GNG4: variants seen among roughly 807,000 people sequenced by gnomAD.
The protein encoded by GNG4 is G protein subunit gamma 4.
GNG4 carries 4 observed loss-of-function variants against 5.8 expected under a neutral mutation model. The observed-to-expected ratio is 0.69, with a 90% CI of 0.34 to 1.57. The LOEUF (loss-of-function observed/expected upper bound fraction) is 1.57, where lower values mean the gene tolerates loss of function less well. Ranked by LOEUF, GNG4 falls within the 40% of genes most tolerant of loss-of-function variation. GNG4 has a pLI of 0.06. For synonymous variants in GNG4, 29 were observed against 32.9 expected (o/e 0.88, Z 0.41); for missense variants, 96 against 95.1 (o/e 1.01, Z -0.04).
chr1:235,587,408 TGAGGGGTGG>T (rs1687808351), intron 2 of GNG4, among the ~76,000 whole-genome samples: 1 of 35,860 alleles, frequency 2.8e-5, no homozygotes, highest in Non-Finnish European at 5.0e-5. Context: ...TGTATGAGGG[TGAGGGGTGG>T]GGGTGTGTGT....
chr1:235,592,922 A>G (rs1366967717), intron 2 of GNG4, among the ~76,000 whole-genome samples: 1 of 150,488 alleles, frequency 6.6e-6, no homozygotes, highest in Non-Finnish European at 1.5e-5. Flanking sequence ...ACGCTGGGCA[A>G]GCAGACCCCG....
intron 1 of GNG4, among the ~76,000 whole-genome samples, chr1:235,640,786 G>T (rs548334338): frequency 7.9e-5 from 12 of 152,344 alleles, no homozygotes; most frequent in African/African-American, 2.9e-4. Context: ...CAAATTGCCC[G>T]GTGGGCCAGA....
In GNG4 at chr1:235,587,612, G is replaced by GTGTGTCA. The variant is rs1558486373; in HGVS notation, c.-10-3765_-10-3764insTGACACA. 9.0e-4 allele frequency among the ~76,000 whole-genome samples: 51 copies of GTGTGTCA among 56,436 alleles called. 2 individuals are homozygous for GTGTGTCA. Among genetic ancestry groups the GTGTGTCA allele is most frequent in the Non-Finnish European group, 1.9e-3 (36 of 19,140 alleles). 37.0% of individuals were successfully genotyped at this position (56,436 alleles called of 152,430 possible). On this transcript the variant is annotated intron_variant, in intron 2 of 3. Transcript: ENST00000391854. ...GTGTGAGTGTGGGAGGGCATGGGGT[G>GTGTGTCA]GGGTGTGTGAATGTGGGGTGGAGTG...
intron 2 of GNG4, among the ~76,000 whole-genome samples, chr1:235,590,471 A>C (rs1687932756): frequency 6.6e-6 from 1 of 152,054 alleles, no homozygotes; most frequent in South Asian, 2.1e-4. Flanking sequence ...AAGAAGGTGG[A>C]GAGGTAACCA....
chr1:235,552,503 G>A (rs181360313), intron 3 of GNG4, among the ~76,000 whole-genome samples: 1 of 152,336 alleles, frequency 6.6e-6, no homozygotes, highest in East Asian at 1.9e-4. Flanking sequence ...GGCCCAGACA[G>A]CCTTGATATA....
intron 2 of GNG4, among the ~76,000 whole-genome samples, chr1:235,587,083 G>A (rs961952716): frequency 1.3e-5 from 2 of 151,992 alleles, no homozygotes; most frequent in African/African-American, 2.4e-5. Context: ...GCAGGGCAAA[G>A]GGAGGAGGGG....
intron 1 of GNG4, among the ~76,000 whole-genome samples, chr1:235,598,501 C>T (rs1433142931): frequency 6.6e-6 from 1 of 152,086 alleles, no homozygotes; most frequent in Non-Finnish European, 1.5e-5. Flanking sequence ...CCCAGCTATT[C>T]AGGAGGCTGA....
At chr1:235,640,728 G>A (rs1657300405) in intron 1 of GNG4, among the ~76,000 whole-genome samples, 1 of 152,232 alleles carries the variant, frequency 6.6e-6, no homozygotes, top group Non-Finnish European at 1.5e-5. Flanking sequence ...GAGGGTCTCT[G>A]ATCCAGCCTC....
Position 235,588,063 on chromosome 1 carries a change from A to G in GNG4, c.-10-4215T>C, listed in dbSNP as rs372106601. Among the ~76,000 whole-genome samples the G allele has an allele frequency of 6.9e-4, 105 of 151,890 alleles. No homozygotes were observed. In the East Asian group the frequency reaches 0.017, roughly 25 times the overall value. ...AGCTGCGCCCACCTCTCTCCCTCCC[A>G]GGCGCTGTTCAGACGGCCCTGATCC... On this transcript the variant is annotated intron_variant, in intron 2 of 3. Coordinates refer to ENST00000391854, the MANE Select transcript of GNG4 (RefSeq NM_001098722.2).
chr1:235,599,616 G>A (rs967172591), intron 1 of GNG4, among the ~76,000 whole-genome samples: 3 of 152,166 alleles, frequency 2.0e-5, no homozygotes, highest in South Asian at 2.1e-4. Context: ...GCACCCAGCC[G>A]AATCTGCGTT....
intron 3 of GNG4, among the ~76,000 whole-genome samples, chr1:235,570,860 ATATG>A (rs990505421): frequency 2.2e-5 from 2 of 91,990 alleles, no homozygotes; most frequent in African/African-American, 8.9e-5. Context: ...TTATATATAT[ATATG>A]TGTGTGTGTG....
intron 1 of GNG4, among the ~76,000 whole-genome samples, chr1:235,620,101 C>T (rs1291899827): frequency 2.6e-5 from 4 of 152,328 alleles, no homozygotes; most frequent in African/African-American, 7.2e-5. Flanking sequence ...TGGTGGCTCA[C>T]GCCTGTAATC....
At chr1:235,629,690 G>A (rs996465862) in intron 1 of GNG4, among the ~76,000 whole-genome samples, 13 of 151,646 alleles carry the variant, frequency 8.6e-5, no homozygotes, top group Admixed American at 7.2e-4. Context: ...TCCACCTCCT[G>A]GGTTCAAGCT....
At chr1:235,617,889 TAA>T (rs34128028) in intron 1 of GNG4, among the ~76,000 whole-genome samples, 12 of 109,694 alleles carry the variant, frequency 1.1e-4, no homozygotes, top group Non-Finnish European at 1.3e-4. Context: ...TGCCTCTATC[TAA>T]AAAAAAAAAA....
chr1:235,565,770 T>G (rs2102922322), intron 3 of GNG4: 1 of 152,310 alleles, frequency 6.6e-6, no homozygotes, highest in South Asian at 2.1e-4. Flanking sequence ...GTTTGACAGC[T>G]TCTCAGGGTG....
chr1:235,616,852 C>T (rs907515951), intron 1 of GNG4, among the ~76,000 whole-genome samples: 1 of 152,072 alleles, frequency 6.6e-6, no homozygotes, highest in Non-Finnish European at 1.5e-5. Context: ...GATTCTCCTG[C>T]CTCAGCCTCC....
chr1:235,581,514 C>G (rs1349157648), intron 3 of GNG4, among the ~76,000 whole-genome samples: 1 of 147,182 alleles, frequency 6.8e-6, no homozygotes, highest in Non-Finnish European at 1.5e-5. Flanking sequence ...GACTCCGTCT[C>G]AAAAAAGAAA....
intron 1 of GNG4, among the ~76,000 whole-genome samples, chr1:235,636,349 G>A (rs1030694236): frequency 6.6e-6 from 1 of 152,218 alleles, no homozygotes; most frequent in Non-Finnish European, 1.5e-5. Context: ...TTTGAGGAAG[G>A]CTCTTTGGGG....
intron 3 of GNG4, among the ~76,000 whole-genome samples, chr1:235,576,164 G>A (rs1184748270): frequency 6.7e-6 from 1 of 149,574 alleles, no homozygotes; most frequent in Admixed American, 6.7e-5. Context: ...GGATTCAAGC[G>A]ATTCCCTTGC....
Sources: gnomAD v4.1 joint callset for allele counts (sites outside exome capture counted in the v4.1 genomes callset) on GRCh38, gnomAD v4.1.1 for gene constraint, MANE v1.5 for transcripts, NCBI Gene and HGNC (gene_info 2026-07-23, HGNC 2026-07-21) for gene names.